The following KCNT1 variants were observed in gnomAD, a reference collection of about 807,000 sequenced individuals.
The protein encoded by KCNT1 is potassium sodium-activated channel subfamily T member 1.
Under a neutral mutation model 147.8 loss-of-function variants are expected in KCNT1, and 78 were observed. The ratio of observed to expected loss-of-function variants is 0.53; its 90% CI spans 0.44 to 0.64. The LOEUF (loss-of-function observed/expected upper bound fraction) is 0.64. Ranked by LOEUF, KCNT1 falls within the 30% of genes least tolerant of loss-of-function variation. KCNT1 has a pLI of 0.00. For synonymous variants in KCNT1, 867 were observed against 748.8 expected (o/e 1.16, Z -2.58); for missense variants, 1,419 against 1,750.3 (o/e 0.81, Z 3.38).
chr9:135,719,080 C>T (rs1341806858), intron 2 of KCNT1, among the ~76,000 whole-genome samples: 1 of 152,214 alleles, frequency 6.6e-6, no homozygotes, highest in East Asian at 1.9e-4. Context: ...CGCCCAGGCT[C>T]TGGAGCCCCT....
At chr9:135,782,714 C>T (rs1197235373) in intron 24 of KCNT1, among the ~76,000 whole-genome samples, 2 of 152,158 alleles carry the variant, frequency 1.3e-5, no homozygotes, top group East Asian at 1.9e-4. Flanking sequence ...TCCTGTTTAG[C>T]GTTGTTCTGA....
intron 2 of KCNT1, among the ~76,000 whole-genome samples, chr9:135,718,011 G>A (rs1835784952): frequency 6.6e-6 from 1 of 152,202 alleles, no homozygotes; most frequent in African/African-American, 2.4e-5. Context: ...TATCCATAAG[G>A]ACACGCACGT....
intron 10 of KCNT1, among the ~76,000 whole-genome samples, chr9:135,759,235 C>T (rs887924653): frequency 1.3e-5 from 2 of 152,182 alleles, no homozygotes; most frequent in African/African-American, 4.8e-5. Flanking sequence ...CGGGCAGAGG[C>T]CTGAGTGTGG....
chr9:135,758,976 C>G (rs1424233387), intron 10 of KCNT1, among the ~76,000 whole-genome samples: 1 of 152,220 alleles, frequency 6.6e-6, no homozygotes, highest in African/African-American at 2.4e-5. Context: ...GCCTTGGGTC[C>G]CAGCGAGGCC....
intron 1 of KCNT1, among the ~76,000 whole-genome samples, chr9:135,712,558 CCT>C (rs912223315): frequency 1.7e-4 from 26 of 152,240 alleles, no homozygotes; most frequent in Admixed American, 1.4e-3. Context: ...CCCCTCTCCC[CCT>C]GTGCCCAAAA....
At position 135,714,374 on chromosome 9, in the gene KCNT1, C is replaced by G. The variant is rs1411160460; in HGVS notation, c.111-203C>G. On this transcript the variant is annotated intron_variant, in intron 1 of 30. Coordinates refer to ENST00000371757, the MANE Select transcript of KCNT1 (RefSeq NM_020822.3). The surrounding 1 kb of genome is among the most constrained non-coding windows in gnomAD (Gnocchi z 6.2). ...CCCCCTGCCCCTGCGCAGCCCCCGC[C>G]CTAGCCCCAGCCCGGCGCAGCCGGT... 6.4e-6 allele frequency: 1 copy of G among 156,408 alleles called. No individual in the cohort carries two copies. Among genetic ancestry groups the G allele is most frequent in the African/African-American group, 2.4e-5 (1 of 41,360 alleles). The allele number at this position is 156,408 out of a possible 1,614,324, so 9.7% of individuals were successfully genotyped here.
At chr9:135,791,930 G>A in intron 30 of KCNT1, 49 bp downstream of exon 30, 2 of 1,611,314 alleles carry the variant, frequency 1.2e-6, no homozygotes, top group Non-Finnish European at 1.7e-6. Context: ...AGCACCAGGT[G>A]GGCACTGGGG....
At chr9:135,728,869 C>T (rs1836321588) in intron 2 of KCNT1, among the ~76,000 whole-genome samples, 1 of 152,216 alleles carries the variant, frequency 6.6e-6, no homozygotes, top group Admixed American at 6.5e-5. Context: ...TCCCACCCTA[C>T]CCCCGGGATT....
chr9:135,777,800 C>A (rs1225075371), intron 21 of KCNT1, among the ~76,000 whole-genome samples: 1 of 151,202 alleles, frequency 6.6e-6, no homozygotes, highest in Non-Finnish European at 1.5e-5. Context: ...CCAGCTCCAC[C>A]CAACTCCCAG....
intron 2 of KCNT1, among the ~76,000 whole-genome samples, chr9:135,720,588 G>A (rs770255492): frequency 6.6e-6 from 1 of 152,056 alleles, no homozygotes; most frequent in African/African-American, 2.4e-5. Context: ...AGAAGCAGGG[G>A]GCCCAGGCAG....
At position 135,784,675 on chromosome 9, in the gene KCNT1, A is replaced by G; in HGVS notation, c.3027+57A>G. 3 of 1,608,728 alleles carry G rather than the reference A, an allele frequency of 1.9e-6. No individual in the cohort carries two copies. In the South Asian group the frequency reaches 3.3e-5, roughly 18 times the overall value. On this transcript the variant is annotated intron_variant, in intron 26 of 30. Transcript: ENST00000371757. ...CGTGCTGGGCTGTCCAAGTGGGTGG[A>G]TGGGCACCTGCCCCTGATTCACGGT...
Position 135,770,003 on chromosome 9 carries a change from T to TGCCCGGCGACCTCCACCC in KCNT1, c.1568_1585dup (p.Thr528_Leu529insArgProAlaThrSerThr), listed in dbSNP as rs1264558816. 6.4e-7 allele frequency: 1 copy of TGCCCGGCGACCTCCACCC among 1,557,568 alleles called. No homozygotes were observed. Among genetic ancestry groups the TGCCCGGCGACCTCCACCC allele is most frequent in the Non-Finnish European group, 8.7e-7 (1 of 1,150,914 alleles). On this transcript the variant is annotated inframe_insertion, in exon 16 of 31. Coordinates refer to ENST00000371757, the MANE Select transcript of KCNT1 (RefSeq NM_020822.3). ...CGCCATGCTGGCGCTGAACTGCATCTGCCCGGCGACCTCCACCCTCATCAC... is the reference window on the plus strand; with the variant it reads ...CGCCATGCTGGCGCTGAACTGCATCTGCCCGGCGACCTCCACCCGCCCGGCGACCTCCACCCTCATCAC...
In KCNT1 at chr9:135,730,503, G is replaced by A. The variant is rs565939051; in HGVS notation, c.254+15783G>A. 9.8e-5 allele frequency among the ~76,000 whole-genome samples: 15 copies of A among 152,290 alleles called. No homozygotes were observed. The highest frequency in any genetic ancestry group is 3.6e-4 in the African/African-American group (15 of 41,548). On this transcript the variant is annotated intron_variant, in intron 2 of 30. Transcript: ENST00000371757. This position sits in a 1 kb window ranked among gnomAD's most constrained non-coding sequence, Gnocchi z 4.7. Reference sequence around the variant, plus strand: ...GGGAGGGAGGCAGAGGTTCAGAGTCGCTGGAGAAGGAGATGAGCAGGGGAA... The same window carrying A: ...GGGAGGGAGGCAGAGGTTCAGAGTCACTGGAGAAGGAGATGAGCAGGGGAA...
chr9:135,768,262 GGGATACCGGT>G (rs1832453202), intron 13 of KCNT1, among the ~76,000 whole-genome samples: 1 of 20,490 alleles, frequency 4.9e-5, no homozygotes. Flanking sequence ...GGGGGGCACT[GGGATACCGGT>G]GGGGGGGGCA....
chr9:135,792,473 G>A lies in KCNT1; in HGVS notation c.*312G>A, dbSNP rs368129853. ...TGGGAGGGCAACGCAGGGACTGGAC[G>A]CCCTACAGGGCCGAGCCCAGGCTGT... is the stretch of plus-strand genomic sequence containing the variant. On this transcript the variant is annotated 3_prime_UTR_variant, in exon 31 of 31. Coordinates refer to ENST00000371757, the MANE Select transcript of KCNT1 (RefSeq NM_020822.3). 7.2e-4 allele frequency: 197 copies of A among 273,972 alleles called. 1 individual carries two copies. Among genetic ancestry groups the A allele is most frequent in the African/African-American group, 4.1e-3 (181 of 44,524 alleles). 17.0% of individuals were successfully genotyped at this position (273,972 alleles called of 1,614,324 possible).
chr9:135,778,942 A>G (rs1833385981), intron 23 of KCNT1, 120 bp downstream of exon 23: 2 of 1,139,836 alleles, frequency 1.8e-6, no homozygotes, highest in East Asian at 3.0e-5. Context: ...CACAGCCACG[A>G]CCACGGGCCC....
chr9:135,722,531 A>G (rs1188772450), intron 2 of KCNT1, among the ~76,000 whole-genome samples: 1 of 152,174 alleles, frequency 6.6e-6, no homozygotes, highest in Non-Finnish European at 1.5e-5. Context: ...TCCAGCTGAA[A>G]TGGAATGGGT....
intron 1 of KCNT1, among the ~76,000 whole-genome samples, chr9:135,706,209 A>G (rs1372390062): frequency 6.6e-6 from 1 of 152,198 alleles, no homozygotes; most frequent in Non-Finnish European, 1.5e-5. Context: ...CTGACAGCAC[A>G]TACTTGGTGT....
chr9:135,726,725 C>T (rs1836162303), intron 2 of KCNT1, among the ~76,000 whole-genome samples: 2 of 149,590 alleles, frequency 1.3e-5, no homozygotes, highest in African/African-American at 5.0e-5. Flanking sequence ...CTCTCTCACT[C>T]TCTACCTTTC....
Sources: gnomAD v4.1 joint callset for allele counts (sites outside exome capture counted in the v4.1 genomes callset) on GRCh38, gnomAD v4.1.1 for gene constraint, Gnocchi (gnomAD v3.1) non-coding constraint, MANE v1.5 for transcripts, NCBI Gene and HGNC (gene_info 2026-07-23, HGNC 2026-07-21) for gene names.